Variants in ACSF2 observed in about 807,000 individuals in gnomAD.
ACSF2 encodes acyl-CoA synthetase family member 2.
In ACSF2, 52 loss-of-function variants were observed where a neutral mutation model predicts 79.3. The observed-to-expected ratio is 0.66, with a 90% CI of 0.53 to 0.83. ACSF2 has a LOEUF of 0.83. Ranked by LOEUF, ACSF2 falls within the 40% of genes least tolerant of loss-of-function variation. The pLI, the probability that ACSF2 is intolerant of heterozygous loss-of-function variation, is 0.00. For missense variants in ACSF2, 661 were observed against 803.3 expected (o/e 0.82, Z 2.14); for synonymous variants, 283 against 312.6 (o/e 0.91, Z 1.00).
chr17:50,474,334 G>C lies in ACSF2; in HGVS notation c.1797+67G>C. ...TGGGGCCCCATAGGGCCCCACCTCT[G>C]TTTCCTTCAGCAATGGGTGTGGAGA... On this transcript the variant is annotated intron_variant, in intron 15 of 15. Coordinates refer to ENST00000300441, the MANE Select transcript of ACSF2 (RefSeq NM_025149.6). The surrounding 1 kb of genome is among the most constrained non-coding windows in gnomAD (Gnocchi z 4.2). 6.4e-7 allele frequency: 1 copy of C among 1,571,876 alleles called. No individual in the cohort carries two copies. Among genetic ancestry groups the C allele is most frequent in the South Asian group, 1.1e-5 (1 of 89,942 alleles).
At chr17:50,452,746 G>A (rs547176630) in intron 1 of ACSF2, among the ~76,000 whole-genome samples, 9 of 152,188 alleles carry the variant, frequency 5.9e-5, no homozygotes, top group South Asian at 2.1e-4. Context: ...CATTTGTGGT[G>A]TGGGCAAGGA....
Position 50,472,302 on chromosome 17 carries a change from A to AG in ACSF2, c.1324-121dup. 2.6e-6 allele frequency: 3 copies of AG among 1,136,592 alleles called. No homozygotes were observed. In the South Asian group the frequency reaches 4.6e-5, roughly 17 times the overall value. The allele number at this position is 1,136,592 out of a possible 1,614,324, so 70.4% of individuals were successfully genotyped here. A position where few individuals can be genotyped will look rare whatever the true frequency, so the allele number is the denominator to read the frequency against. ...TCTCTGGATGGGGATAAGCAGAGCC[A>AG]GGGGGCCTCATTCCAGGCAGTTGGG... On this transcript the variant is annotated intron_variant, in intron 11 of 15. Coordinates refer to ENST00000300441, the MANE Select transcript of ACSF2 (RefSeq NM_025149.6).
At chr17:50,467,379 G>A (rs1023162482) in intron 10 of ACSF2, among the ~76,000 whole-genome samples, 2 of 152,224 alleles carry the variant, frequency 1.3e-5, no homozygotes, top group African/African-American at 4.8e-5. Flanking sequence ...CCATGGGCAC[G>A]ATGCTTGCAT....
intron 4 of ACSF2, 50 bp downstream of exon 4, chr17:50,461,736 G>A (rs368410432): frequency 7.1e-5 from 114 of 1,606,304 alleles, no homozygotes; most frequent in Non-Finnish European, 9.3e-5. Context: ...GGCACAGGGG[G>A]CTGCACAGAC....
intron 1 of ACSF2, among the ~76,000 whole-genome samples, chr17:50,453,036 C>T (rs556033998): frequency 6.6e-6 from 1 of 152,002 alleles, no homozygotes; most frequent in Non-Finnish European, 1.5e-5. Flanking sequence ...CTCCTTTCTC[C>T]CAGATCTGAG....
Position 50,471,108 on chromosome 17 carries a change from C to T in ACSF2, c.1296C>T (p.Ser432=), listed in dbSNP as rs370449483. ...PEDTVEQKAE[S]VGRIMPHTEA... Reference sequence around the variant, plus strand: ...ACACTGTGGAGCAGAAGGCAGAAAGCGTGGGCAGAATTATGCCTCACACGG... The same window carrying T: ...ACACTGTGGAGCAGAAGGCAGAAAGTGTGGGCAGAATTATGCCTCACACGG... Residue 432 remains serine, a synonymous_variant, in exon 11 of 16, where the codon AGC becomes AGT. Transcript: ENST00000300441. The surrounding 1 kb of genome is among the most constrained non-coding windows in gnomAD (Gnocchi z 4.1). 155 of 1,614,030 alleles carry T rather than the reference C, an allele frequency of 9.6e-5. No individual in the cohort carries two copies. The highest frequency in any genetic ancestry group is 5.3e-4 in the South Asian group (48 of 91,044).
At chr17:50,442,126 G>A (rs1163475848) in intron 1 of ACSF2, among the ~76,000 whole-genome samples, 1 of 152,064 alleles carries the variant, frequency 6.6e-6, no homozygotes, top group Non-Finnish European at 1.5e-5. Flanking sequence ...CCAACATGGT[G>A]AAACCCCATT....
intron 1 of ACSF2, among the ~76,000 whole-genome samples, chr17:50,441,631 T>C: frequency 6.6e-6 from 1 of 152,190 alleles, no homozygotes; most frequent in East Asian, 1.9e-4. Flanking sequence ...GCCTCATTCC[T>C]TCATCTGTAA....
intron 1 of ACSF2, among the ~76,000 whole-genome samples, chr17:50,442,489 A>G (rs942549993): frequency 6.6e-6 from 1 of 151,970 alleles, no homozygotes; most frequent in Non-Finnish European, 1.5e-5. Context: ...TTTTAGAGAC[A>G]GGGTCTTTCT....
intron 10 of ACSF2, chr17:50,465,347 C>A: frequency 1.9e-6 from 3 of 1,614,012 alleles, no homozygotes; most frequent in Non-Finnish European, 2.5e-6. Flanking sequence ...CTTGCAGCTG[C>A]GGAAGGCGTC....
intron 1 of ACSF2, among the ~76,000 whole-genome samples, chr17:50,450,953 A>G (rs2031634876): frequency 7.1e-6 from 1 of 140,894 alleles, no homozygotes; most frequent in Non-Finnish European, 1.6e-5. Context: ...TTTGTTTGAG[A>G]CAGAGTTTCA....
chr17:50,462,776 C>T (rs553917490), intron 6 of ACSF2, 191 bp downstream of exon 6: 50 of 678,800 alleles, frequency 7.4e-5, no homozygotes, highest in Middle Eastern at 4.0e-4. Flanking sequence ...CCTAGCCCCC[C>T]GCCCTCTCCA....
chr17:50,473,363 T>C (rs1598439655), intron 12 of ACSF2: 1 of 340,674 alleles, frequency 2.9e-6, no homozygotes, highest in Non-Finnish European at 5.5e-6. Flanking sequence ...TTAGATTGAG[T>C]GGACAGAGAA....
At chr17:50,433,988 A>T (rs995584870) in intron 1 of ACSF2, among the ~76,000 whole-genome samples, 1 of 152,030 alleles carries the variant, frequency 6.6e-6, no homozygotes. Flanking sequence ...TTTTCTGTAC[A>T]TACTTACAAA....
intron 1 of ACSF2, chr17:50,450,620 T>G (rs1387758564): frequency 6.6e-6 from 1 of 152,536 alleles, no homozygotes; most frequent in Non-Finnish European, 1.5e-5. Flanking sequence ...CAATGCTTAA[T>G]GTCCTTAATG....
chr17:50,443,860 A>G (rs1474032891), intron 1 of ACSF2, among the ~76,000 whole-genome samples: 1 of 152,108 alleles, frequency 6.6e-6, no homozygotes, highest in Non-Finnish European at 1.5e-5. Flanking sequence ...TTTAGGCCCT[A>G]TTGAATGCAG....
rs548730595 is a variant in ACSF2 at position 50,453,207 on chromosome 17, T to A, written c.129-7470T>A. On this transcript the variant is annotated intron_variant, in intron 1 of 15. Transcript: ENST00000300441. ...TTCATGATACTCACCTGCATTTTTTTAAACATTTTTTTAAAATTTGGGACG... is the reference window on the plus strand; with the variant it reads ...TTCATGATACTCACCTGCATTTTTTAAAACATTTTTTTAAAATTTGGGACG... 6.4e-4 allele frequency among the ~76,000 whole-genome samples: 98 copies of A among 152,322 alleles called. 1 individual carries two copies. Among genetic ancestry groups the A allele is most frequent in the Non-Finnish European group, 2.1e-4 (14 of 68,030 alleles).
chr17:50,460,354 G>A (rs1598418283), intron 1 of ACSF2: 1 of 472,948 alleles, frequency 2.1e-6, no homozygotes, highest in Non-Finnish European at 4.1e-6. Context: ...TGAAGGCATG[G>A]TCCTGCTTTG....
At chr17:50,448,657 T>C (rs905386773) in intron 1 of ACSF2, among the ~76,000 whole-genome samples, 3 of 152,154 alleles carry the variant, frequency 2.0e-5, no homozygotes, top group Non-Finnish European at 4.4e-5. Flanking sequence ...AAAATGAGGG[T>C]TACATATGTT....
Sources: gnomAD v4.1 joint callset for allele counts (sites outside exome capture counted in the v4.1 genomes callset) on GRCh38, gnomAD v4.1.1 for gene constraint, Gnocchi (gnomAD v3.1) non-coding constraint, MANE v1.5 for transcripts, NCBI Gene and HGNC (gene_info 2026-07-23, HGNC 2026-07-21) for gene names.